The following PPM1K variants were observed in gnomAD, a reference collection of about 807,000 sequenced individuals.
The protein encoded by PPM1K is protein phosphatase, Mg2+/Mn2+ dependent 1K, also known as protein phosphatase Mn(2+)-dependent 1K.
Under a neutral mutation model 32.6 loss-of-function variants are expected in PPM1K, and 19 were observed. That is an observed-to-expected ratio of 0.58 (90% CI 0.41 to 0.86). PPM1K has a LOEUF of 0.86. Among genes scored for constraint, PPM1K ranks in the 40% least tolerant of loss-of-function variants. The pLI, the probability that PPM1K is intolerant of heterozygous loss-of-function variation, is 0.00. For synonymous variants in PPM1K, 159 were observed against 165.3 expected (o/e 0.96, Z 0.29); for missense variants, 362 against 461.2 (o/e 0.78, Z 1.97).
intron 3 of PPM1K, among the ~76,000 whole-genome samples, chr4:88,274,067 G>A (rs894662164): frequency 1.3e-5 from 2 of 152,108 alleles, no homozygotes; most frequent in Non-Finnish European, 2.9e-5. Context: ...CACCTATTAA[G>A]TCTCCACTCC....
rs1244948755 is a variant in PPM1K, at chr4:88,277,162, A to C, written c.522T>G (p.His174Gln). The change falls in exon 3 of 7, where the codon CAT (histidine) becomes CAG (glutamine). Residue 174 changes from histidine to glutamine, a missense_variant. Coordinates refer to ENST00000608933, the MANE Select transcript of PPM1K (RefSeq NM_152542.5). The part of the protein sequence containing the change: ...FLEIDKAFSS[H>Q]ARLSADATLL... ...ACATACCATCAGCAGACAGGCGGGCATGACTCGAAAAGGCTTTATCTATTT... is the reference window on the plus strand; with the variant it reads ...ACATACCATCAGCAGACAGGCGGGCCTGACTCGAAAAGGCTTTATCTATTT... 6 of 1,613,848 alleles carry C rather than the reference A, an allele frequency of 3.7e-6. No homozygotes were observed. In the South Asian group the frequency reaches 6.6e-5, roughly 18 times the overall value.
chr4:88,270,220 AT>A (rs892719314), intron 3 of PPM1K, among the ~76,000 whole-genome samples: 3 of 152,192 alleles, frequency 2.0e-5, no homozygotes, highest in African/African-American at 7.2e-5. Context: ...ACATAAATAG[AT>A]TTTTCCAATC....
chr4:88,282,963 A>G (rs1366672291), intron 1 of PPM1K, among the ~76,000 whole-genome samples: 1 of 152,220 alleles, frequency 6.6e-6, no homozygotes. Flanking sequence ...CTGGGTGATC[A>G]GTAGTAATGA....
At chr4:88,283,843 G>A (rs1578326773) in intron 1 of PPM1K, 1 of 152,428 alleles carries the variant, frequency 6.6e-6, no homozygotes, top group South Asian at 2.1e-4. Flanking sequence ...GGTGACACAC[G>A]GTGGGAAGAA....
At position 88,262,112 on chromosome 4, in the gene PPM1K, G is replaced by C. The variant is rs1462818251; in HGVS notation, c.*483C>G. Reference sequence around the variant, plus strand: ...AGAACTGTTTTCATACTTATTCCTTGGTACAGTTATTAAAAATAAAAACTC... The same window carrying C: ...AGAACTGTTTTCATACTTATTCCTTCGTACAGTTATTAAAAATAAAAACTC... On this transcript the variant is annotated 3_prime_UTR_variant, in exon 7 of 7. Transcript: ENST00000608933. 6.6e-6 allele frequency: 1 copy of C among 152,306 alleles called. No individual in the cohort carries two copies. The highest frequency in any genetic ancestry group is 2.4e-5 in the African/African-American group (1 of 41,256). 9.4% of individuals were successfully genotyped at this position (152,306 alleles called of 1,614,324 possible).
chr4:88,268,090 T>C lies in PPM1K; in HGVS notation c.852+100A>G, dbSNP rs1479268728. On this transcript the variant is annotated intron_variant, in intron 5 of 6. Coordinates refer to ENST00000608933, the MANE Select transcript of PPM1K (RefSeq NM_152542.5). ...TCCATAAATTACTCCCTTTTAAAAA[T>C]CATTTTGGCTTCAGTTAAGGCTTCC... 3.1e-6 allele frequency: 4 copies of C among 1,286,244 alleles called. No individual in the cohort carries two copies. The East Asian group carries it at 7.0e-5, about 23-fold the overall frequency. 79.7% of individuals were successfully genotyped at this position (1,286,244 alleles called of 1,614,324 possible).
chr4:88,271,402 G>C (rs923562898), intron 3 of PPM1K, among the ~76,000 whole-genome samples: 2 of 152,130 alleles, frequency 1.3e-5, no homozygotes, highest in Non-Finnish European at 2.9e-5. Flanking sequence ...CCAGTTGATG[G>C]TATTTTGTAG....
Position 88,278,174 on chromosome 4 carries a change from A to G in PPM1K, c.410T>C (p.Phe137Ser), listed in dbSNP as rs1377712755. 6.2e-7 allele frequency: 1 copy of G among 1,613,938 alleles called. No individual in the cohort carries two copies. The highest frequency in any genetic ancestry group is 1.3e-5 in the African/African-American group (1 of 74,932). ...ACATTTCTCCATGTGGGTATGACAG[A>G]AATCAGCTGCTGCAGGTCCACCGTG... Reference protein sequence around the residue: ...DGHGGPAAADFCHTHMEKCIM... With the variant: ...DGHGGPAAADSCHTHMEKCIM... The change falls in exon 2 of 7, where the codon TTC (phenylalanine) becomes TCC (serine). Residue 137 changes from phenylalanine (F) to serine (S), a missense_variant. Physicochemically the swap from Phe to Ser is radical, Grantham distance 155. Transcript: ENST00000608933. This position sits in a 1 kb window ranked among gnomAD's most constrained non-coding sequence, Gnocchi z 4.2.
chr4:88,282,055 C>T (rs1389459222), intron 1 of PPM1K, among the ~76,000 whole-genome samples: 1 of 151,874 alleles, frequency 6.6e-6, no homozygotes, highest in Non-Finnish European at 1.5e-5. Context: ...TTTGTCAGTT[C>T]AGCAATTAAA....
Position 88,278,484 on chromosome 4 carries a change from C to T in PPM1K, c.100G>A (p.Val34Met), listed in dbSNP as rs1731884426. ...SSRLLQDDRRVTPTCHSSTSE... is the reference protein window; with the variant it reads ...SSRLLQDDRRMTPTCHSSTSE... Reference sequence around the variant, plus strand: ...GTGGAGCTGTGGCACGTGGGTGTCACCCGCCTGTCGTCCTGCAGCAGGCGG... The same window carrying T: ...GTGGAGCTGTGGCACGTGGGTGTCATCCGCCTGTCGTCCTGCAGCAGGCGG... Residue 34 changes from valine to methionine, a missense_variant, in exon 2 of 7, where the codon GTG (valine) becomes ATG (methionine). Val to Met is a conservative substitution (Grantham distance 21). Coordinates refer to ENST00000608933, the MANE Select transcript of PPM1K (RefSeq NM_152542.5). The surrounding 1 kb of genome is among the most constrained non-coding windows in gnomAD (Gnocchi z 4.2). 4 of 1,614,060 alleles carry T rather than the reference C, an allele frequency of 2.5e-6. No individual in the cohort carries two copies. The African/African-American group carries it at 4.0e-5, about 16-fold the overall frequency.
chr4:88,264,561 T>A (rs1043714890), intron 6 of PPM1K, among the ~76,000 whole-genome samples: 1 of 152,180 alleles, frequency 6.6e-6, no homozygotes, highest in Non-Finnish European at 1.5e-5. Flanking sequence ...AATTTAATAG[T>A]TTTATGACCT....
At chr4:88,272,238 CTCT>C (rs1013641470) in intron 3 of PPM1K, among the ~76,000 whole-genome samples, 1 of 152,134 alleles carries the variant, frequency 6.6e-6, no homozygotes, top group African/African-American at 2.4e-5. Context: ...CATCAATGCT[CTCT>C]TTTTTTTTCT....
rs1486317869 is a variant in PPM1K, at chr4:88,262,698, C to T, written c.1016G>A (p.Ser339Asn). ...ACCAAAAGGCACTACTACTGCAGTACTGTTATCCTCAGTACCGTACTGTAT... is the reference window on the plus strand; with the variant it reads ...ACCAAAAGGCACTACTACTGCAGTATTGTTATCCTCAGTACCGTACTGTAT... Reference protein sequence around the residue: ...QAIQYGTEDNSTAVVVPFGAW... With the variant: ...QAIQYGTEDNNTAVVVPFGAW... Residue 339 changes from serine (S) to asparagine (N), a missense_variant, in exon 7 of 7, where the codon AGT becomes AAT. Transcript: ENST00000608933. The T allele has an allele frequency of 6.2e-7, 1 of 1,614,060 alleles. No homozygotes were observed. Among genetic ancestry groups the T allele is most frequent in the Admixed American group, 1.7e-5 (1 of 60,022 alleles).
intron 3 of PPM1K, chr4:88,276,194 G>A: frequency 1.0e-6 from 1 of 985,432 alleles, no homozygotes. Flanking sequence ...TTCCTTCGCT[G>A]TGAAATGCAA....
chr4:88,280,870 C>A (rs1007053958), intron 1 of PPM1K, among the ~76,000 whole-genome samples: 1 of 151,762 alleles, frequency 6.6e-6, no homozygotes. Context: ...AGAGAGAGAG[C>A]GAGAGAGAGA....
intron 3 of PPM1K, chr4:88,270,933 T>C (rs994494742): frequency 6.5e-6 from 2 of 309,558 alleles, no homozygotes; most frequent in Admixed American, 8.8e-5. Context: ...AAGTAAAAAT[T>C]CTCACTTTTT....
chr4:88,278,376 G>T lies in PPM1K; in HGVS notation c.208C>A (p.Arg70Ser), dbSNP rs372205324. 6.2e-7 allele frequency: 1 copy of T among 1,614,134 alleles called. No individual in the cohort carries two copies. Among genetic ancestry groups the T allele is most frequent in the East Asian group, 2.2e-5 (1 of 44,886 alleles). The part of the protein sequence containing the change: ...TWDNFGIWDN[R>S]IDEPILLPPS... ...GGCAGCAGAATTGGCTCATCAATGC[G>T]GTTATCCCAGATCCCAAAATTGTCC... The change falls in exon 2 of 7, where the codon CGC becomes AGC. Residue 70 changes from arginine (R) to serine (S), a missense_variant. Coordinates refer to ENST00000608933, the MANE Select transcript of PPM1K (RefSeq NM_152542.5). The surrounding 1 kb of genome is among the most constrained non-coding windows in gnomAD (Gnocchi z 4.2).
intron 2 of PPM1K, 81 bp from the exon 3 acceptor site, chr4:88,277,324 C>T: frequency 2.2e-6 from 2 of 920,954 alleles, no homozygotes; most frequent in Non-Finnish European, 3.5e-6. Flanking sequence ...AGCTAGCAGT[C>T]ATTCCACACA....
intron 3 of PPM1K, chr4:88,276,552 C>A (rs773496803): frequency 1.7e-5 from 17 of 985,326 alleles, no homozygotes; most frequent in Non-Finnish European, 2.0e-5. Context: ...GCTAGCATGA[C>A]CTTATGCTGA....
Sources: allele counts gnomAD v4.1 joint callset (sites outside exome capture counted in the v4.1 genomes callset), GRCh38; gene constraint gnomAD v4.1.1; non-coding constraint Gnocchi (gnomAD v3.1); transcripts MANE v1.5; gene names NCBI Gene and HGNC (gene_info 2026-07-23, HGNC 2026-07-21).